The following XPR1 variants were observed in gnomAD, a reference collection of about 807,000 sequenced individuals.
The protein encoded by XPR1 is solute carrier family 53 member 1.
A neutral mutation model predicts 87.5 loss-of-function variants in XPR1; 28 were observed. The observed-to-expected ratio is 0.32, with a 90% confidence interval of 0.24 to 0.44. The LOEUF (loss-of-function observed/expected upper bound fraction) is 0.44. Ranked by LOEUF, XPR1 falls within the 20% of genes least tolerant of loss-of-function variation. XPR1 has a pLI of 1.00. For synonymous variants in XPR1, 300 were observed against 306.1 expected, an observed-to-expected ratio of 0.98 and a Z score of 0.21; for missense variants, 559 against 862.3, an observed-to-expected ratio of 0.65 and a Z score of 4.41.
chr1:180,850,705 C>A (rs1282037022), intron 11 of XPR1, among the ~76,000 whole-genome samples: 1 of 152,108 alleles, frequency 6.6e-6, no homozygotes, highest in Non-Finnish European at 1.5e-5. Flanking sequence ...CACCTGTAAT[C>A]TCAGCATTTT....
intron 13 of XPR1, among the ~76,000 whole-genome samples, chr1:180,877,088 C>G (rs536013154): frequency 1.3e-5 from 2 of 152,008 alleles, no homozygotes; most frequent in Admixed American, 1.3e-4. Context: ...TTTTAAAAAC[C>G]ATATCATTTT....
chr1:180,685,244 CAT>C (rs1464421613), intron 2 of XPR1, among the ~76,000 whole-genome samples: 1 of 152,172 alleles, frequency 6.6e-6, no homozygotes, highest in Non-Finnish European at 1.5e-5. Flanking sequence ...TTGAGATAAT[CAT>C]GTGATTTTTG....
At chr1:180,842,630 G>A (rs1004237988) in intron 11 of XPR1, among the ~76,000 whole-genome samples, 1 of 152,150 alleles carries the variant, frequency 6.6e-6, no homozygotes, top group Non-Finnish European at 1.5e-5. Context: ...GATTGGAGGA[G>A]GCACAAACGT....
chr1:180,698,059 G>A (rs1317620217), intron 2 of XPR1, among the ~76,000 whole-genome samples: 1 of 152,122 alleles, frequency 6.6e-6, no homozygotes, highest in Non-Finnish European at 1.5e-5. Flanking sequence ...CCAACTATTA[G>A]TGTATTGGAA....
intron 11 of XPR1, among the ~76,000 whole-genome samples, chr1:180,856,156 C>T (rs183097909): frequency 4.6e-5 from 7 of 152,196 alleles, no homozygotes; most frequent in Admixed American, 4.6e-4. Context: ...GTCTCCATTC[C>T]TATAACCACA....
At chr1:180,767,275 A>G (rs1163603365) in intron 2 of XPR1, among the ~76,000 whole-genome samples, 1 of 152,240 alleles carries the variant, frequency 6.6e-6, no homozygotes, top group African/African-American at 2.4e-5. Flanking sequence ...CACTCCCTTC[A>G]AAATAAAACC....
At chr1:180,681,652 A>C (rs1656581832) in intron 1 of XPR1, among the ~76,000 whole-genome samples, 1 of 152,088 alleles carries the variant, frequency 6.6e-6, no homozygotes, top group Non-Finnish European at 1.5e-5. Context: ...TAAATAAATA[A>C]AATAAAATTT....
rs1434665187 is a variant in XPR1, at chr1:180,873,702, A to T, written c.1669-101A>T. 76 of 1,294,818 alleles carry T rather than the reference A, an allele frequency of 5.9e-5. 1 individual carries two copies. Among genetic ancestry groups the T allele is most frequent in the Non-Finnish European group, 7.4e-5 (70 of 939,966 alleles). The allele number at this position is 1,294,818 out of a possible 1,614,324, so 80.2% of individuals were successfully genotyped here. ...TCCTCTTGAGCCTGTGCTTATTCGT[A>T]GGACATGTGTGAGTCTTGTTTGTAG... is the stretch of plus-strand genomic sequence containing the variant. On this transcript the variant is annotated intron_variant, in intron 12 of 14. Coordinates refer to ENST00000367590, the MANE Select transcript of XPR1 (RefSeq NM_004736.4).
intron 2 of XPR1, among the ~76,000 whole-genome samples, chr1:180,754,658 C>T (rs1399656778): frequency 6.6e-6 from 1 of 151,870 alleles, no homozygotes; most frequent in Non-Finnish European, 1.5e-5. Flanking sequence ...GACAGGGTTT[C>T]GCCATGCTGC....
chr1:180,733,790 A>G (rs942768573), intron 2 of XPR1, among the ~76,000 whole-genome samples: 4 of 152,224 alleles, frequency 2.6e-5, no homozygotes, highest in African/African-American at 7.2e-5. Flanking sequence ...AGTTTAGGCA[A>G]TTGATAGCCA....
At chr1:180,766,502 G>A (rs1031238998) in intron 2 of XPR1, among the ~76,000 whole-genome samples, 2 of 152,074 alleles carry the variant, frequency 1.3e-5, no homozygotes, top group African/African-American at 4.8e-5. Flanking sequence ...GGCTTGAGAT[G>A]TAAACTAAAG....
chr1:180,767,645 A>G (rs73036531), intron 2 of XPR1, among the ~76,000 whole-genome samples: 1,789 of 152,292 alleles, frequency 0.012, 38 homozygotes, highest in African/African-American at 0.04. Flanking sequence ...TTTAAAGAGT[A>G]TATAATCTGG....
At chr1:180,726,350 T>C (rs1658344787) in intron 2 of XPR1, among the ~76,000 whole-genome samples, 1 of 152,174 alleles carries the variant, frequency 6.6e-6, no homozygotes, top group Non-Finnish European at 1.5e-5. Context: ...GGAAGCTTTG[T>C]TCTTTCTCTC....
intron 1 of XPR1, among the ~76,000 whole-genome samples, chr1:180,633,047 TG>T (rs2101887942): frequency 6.6e-6 from 1 of 152,358 alleles, no homozygotes; most frequent in East Asian, 1.9e-4. Context: ...GCTAAGTTTT[TG>T]CTAGCTGGGG....
intron 2 of XPR1, among the ~76,000 whole-genome samples, chr1:180,761,919 C>T (rs1648050013): frequency 1.3e-5 from 2 of 152,236 alleles, no homozygotes; most frequent in South Asian, 4.2e-4. Flanking sequence ...GGCACAGATA[C>T]ACCATGGAAT....
chr1:180,707,146 G>C (rs1482742490), intron 2 of XPR1, among the ~76,000 whole-genome samples: 2 of 152,134 alleles, frequency 1.3e-5, no homozygotes, highest in African/African-American at 4.8e-5. Context: ...GTAGTTGGAA[G>C]AATAGTTACA....
intron 11 of XPR1, among the ~76,000 whole-genome samples, chr1:180,855,536 G>A (rs893217686): frequency 6.6e-6 from 1 of 151,820 alleles, no homozygotes; most frequent in African/African-American, 2.4e-5. Context: ...GTGGTGGTGT[G>A]TGCCTGTAGT....
At chr1:180,835,092 C>G in intron 10 of XPR1, 47 bp downstream of exon 10, 1 of 1,571,798 alleles carries the variant, frequency 6.4e-7, no homozygotes. Flanking sequence ...TGGTGTAAAC[C>G]AAGATATATT....
At chr1:180,816,324 T>G (rs1451295525) in intron 7 of XPR1, among the ~76,000 whole-genome samples, 3 of 152,222 alleles carry the variant, frequency 2.0e-5, no homozygotes, top group African/African-American at 4.8e-5. Context: ...TCTGAGAATC[T>G]AATGCCGTTG....
Sources: allele counts gnomAD v4.1 joint callset (sites outside exome capture counted in the v4.1 genomes callset), GRCh38; gene constraint gnomAD v4.1.1; transcripts MANE v1.5; gene names NCBI Gene and HGNC (gene_info 2026-07-23, HGNC 2026-07-21).